SHISA6: variants seen among roughly 807,000 people sequenced by gnomAD.
The protein encoded by SHISA6 is shisa family member 6.
In SHISA6, 22 loss-of-function variants were observed where a neutral mutation model predicts 47.9. The observed-to-expected ratio is 0.46, with a 90% confidence interval of 0.33 to 0.66. The LOEUF (loss-of-function observed/expected upper bound fraction) is 0.66. Among genes scored for constraint, SHISA6 ranks in the 30% least tolerant of loss-of-function variants. The pLI is 0.02. For missense variants in SHISA6, 680 were observed against 764.6 expected (o/e 0.89, Z 1.30); for synonymous variants, 388 against 337.8 (o/e 1.15, Z -1.63).
At chr17:11,551,830 G>A in intron 3 of SHISA6, 66 bp from the exon 4 acceptor site, 1 of 1,352,798 alleles carries the variant, frequency 7.4e-7, no homozygotes, top group Non-Finnish European at 1.0e-6. Flanking sequence ...GAGAGATGCT[G>A]TTATGTTGGA....
chr17:11,431,323 A>G (rs972608695), intron 3 of SHISA6, among the ~76,000 whole-genome samples: 1 of 152,142 alleles, frequency 6.6e-6, no homozygotes, highest in African/African-American at 2.4e-5. Context: ...CAGAGAGGGG[A>G]GTGTGGAGCA....
chr17:11,531,104 C>T (rs890223271), intron 3 of SHISA6, among the ~76,000 whole-genome samples: 1 of 151,984 alleles, frequency 6.6e-6, no homozygotes, highest in African/African-American at 2.4e-5. Flanking sequence ...AAAGAAACAG[C>T]TCAGATACCG....
chr17:11,458,083 T>TAAA (rs56304029), intron 3 of SHISA6, among the ~76,000 whole-genome samples: 57 of 114,506 alleles, frequency 5.0e-4, no homozygotes, highest in African/African-American at 1.5e-3. Context: ...AGACTCTGTC[T>TAAA]AAAAAAAAAA....
At chr17:11,251,747 C>T (rs1179324295) in intron 1 of SHISA6, among the ~76,000 whole-genome samples, 3 of 152,152 alleles carry the variant, frequency 2.0e-5, no homozygotes, top group Non-Finnish European at 4.4e-5. Context: ...GGCTGTGCTT[C>T]GTAATGACTC....
chr17:11,411,866 A>G (rs1914130933), intron 3 of SHISA6, among the ~76,000 whole-genome samples: 1 of 152,194 alleles, frequency 6.6e-6, no homozygotes, highest in African/African-American at 2.4e-5. Context: ...ACGCACGTGC[A>G]TTCAGGATTC....
At chr17:11,543,696 C>G (rs553556393) in intron 3 of SHISA6, among the ~76,000 whole-genome samples, 1 of 152,014 alleles carries the variant, frequency 6.6e-6, no homozygotes, top group South Asian at 2.1e-4. Context: ...TAAGTCTACT[C>G]AATTTCAAGA....
chr17:11,448,035 A>G (rs1300791536), intron 3 of SHISA6, among the ~76,000 whole-genome samples: 1 of 152,170 alleles, frequency 6.6e-6, no homozygotes, highest in Admixed American at 6.5e-5. Context: ...TGACTCACCC[A>G]GGACCTGGCA....
chr17:11,458,176 T>C (rs1359617166), intron 3 of SHISA6, among the ~76,000 whole-genome samples: 5 of 152,096 alleles, frequency 3.3e-5, no homozygotes, highest in Non-Finnish European at 5.9e-5. Flanking sequence ...ACCAGACTTA[T>C]CTTAAGTCCA....
At chr17:11,420,342 A>G (rs1914417350) in intron 3 of SHISA6, among the ~76,000 whole-genome samples, 1 of 152,204 alleles carries the variant, frequency 6.6e-6, no homozygotes, top group African/African-American at 2.4e-5. Flanking sequence ...AACATTGAAT[A>G]AAGCATTCCC....
At chr17:11,344,511 A>T (rs1422373856) in intron 2 of SHISA6, among the ~76,000 whole-genome samples, 1 of 152,114 alleles carries the variant, frequency 6.6e-6, no homozygotes. Context: ...GTGGATATCC[A>T]GTCATACCAC....
At chr17:11,340,956 G>C (rs1265020923) in intron 2 of SHISA6, among the ~76,000 whole-genome samples, 2 of 152,228 alleles carry the variant, frequency 1.3e-5, no homozygotes, top group Non-Finnish European at 1.5e-5. Context: ...GAGCCCTGCT[G>C]GTTAGCTGCA....
intron 3 of SHISA6, among the ~76,000 whole-genome samples, chr17:11,394,576 A>G (rs964783571): frequency 6.6e-6 from 1 of 152,142 alleles, no homozygotes; most frequent in African/African-American, 2.4e-5. Context: ...ATCTACACCT[A>G]CAGCTTTAGC....
At chr17:11,397,291 A>T (rs2142261001) in intron 3 of SHISA6, among the ~76,000 whole-genome samples, 1 of 151,706 alleles carries the variant, frequency 6.6e-6, no homozygotes, top group Non-Finnish European at 1.5e-5. Flanking sequence ...TGATTATTCT[A>T]CTTTTTTTTC....
chr17:11,273,568 G>A (rs966625432), intron 2 of SHISA6, among the ~76,000 whole-genome samples: 1 of 152,240 alleles, frequency 6.6e-6, no homozygotes, highest in African/African-American at 2.4e-5. Context: ...AACTTCCAAG[G>A]TCCTACTTTT....
intron 2 of SHISA6, among the ~76,000 whole-genome samples, chr17:11,373,707 T>C (rs1912699857): frequency 6.6e-6 from 1 of 152,236 alleles, no homozygotes; most frequent in Non-Finnish European, 1.5e-5. Context: ...CCATCCATGC[T>C]GATATTTAGA....
intron 3 of SHISA6, among the ~76,000 whole-genome samples, chr17:11,496,748 GAA>G (rs111418769): frequency 4.7e-5 from 6 of 127,852 alleles, no homozygotes; most frequent in African/African-American, 1.2e-4. Flanking sequence ...CAAAAAAAAA[GAA>G]AAAAAAAAAA....
intron 2 of SHISA6, among the ~76,000 whole-genome samples, chr17:11,362,659 A>G (rs1363478822): frequency 6.6e-6 from 1 of 152,186 alleles, no homozygotes; most frequent in Non-Finnish European, 1.5e-5. Context: ...GGAAGATTTA[A>G]TTTTCTCATG....
At chr17:11,254,347 T>C (rs919714412) in intron 1 of SHISA6, among the ~76,000 whole-genome samples, 5 of 152,204 alleles carry the variant, frequency 3.3e-5, no homozygotes, top group Non-Finnish European at 7.3e-5. Context: ...TCAGCACACC[T>C]GAAAGATACA....
rs758802946 is a variant in SHISA6, at chr17:11,266,060, G to T, written c.799+2534G>T. Among the ~76,000 whole-genome samples the T allele has an allele frequency of 2.0e-5, 3 of 152,182 alleles. No homozygotes were observed. In the East Asian group the frequency reaches 5.8e-4, roughly 29 times the overall value. ...AAAAGCAATTTCATCACAAGCCGCA[G>T]CTTCTACAGATTATAATGGACACAA... On this transcript the variant is annotated intron_variant, in intron 2 of 5. Coordinates refer to ENST00000441885, the MANE Select transcript of SHISA6 (RefSeq NM_207386.4).
Sources: gnomAD v4.1 joint callset for allele counts (sites outside exome capture counted in the v4.1 genomes callset) on GRCh38, gnomAD v4.1.1 for gene constraint, MANE v1.5 for transcripts, NCBI Gene and HGNC (gene_info 2026-07-23, HGNC 2026-07-21) for gene names.